The following ALX3 variants were observed in gnomAD, a reference collection of about 807,000 sequenced individuals.
ALX3 encodes the protein homeobox protein aristaless-like 3.
A neutral mutation model predicts 26.3 loss-of-function variants in ALX3; 17 were observed. That is an observed-to-expected ratio of 0.65 (90% CI 0.44 to 0.97). The LOEUF is 0.97. Ranked by LOEUF, ALX3 falls within the 50% of genes least tolerant of loss-of-function variation. ALX3 has a pLI of 0.00. For missense variants in ALX3, 461 were observed against 466.5 expected, an observed-to-expected ratio of 0.99 and a Z score of 0.11; for synonymous variants, 208 against 201.4, an observed-to-expected ratio of 1.03 and a Z score of -0.28.
intron 2 of ALX3, 35 bp downstream of exon 2, chr1:110,064,552 G>T (rs1270646277): frequency 6.2e-7 from 1 of 1,611,574 alleles, no homozygotes; most frequent in South Asian, 1.1e-5. Flanking sequence ...TGTGATAGGG[G>T]CAGCCAGAGA....
chr1:110,070,373 G>T lies in ALX3; in HGVS notation c.240C>A (p.Ala80=). Residue 80 remains alanine (A), a synonymous_variant, in exon 1 of 4, where the codon GCC becomes GCA. Transcript: ENST00000647563. The part of the protein sequence containing the change: ...KYLQDLGPGP[A]LNGGHFYEGP... The stretch of plus-strand genomic sequence containing the variant: ...CCTCGTAGAAGTGGCCGCCGTTGAG[G>T]GCCGGGCCGGGCCCGAGGTCCTGCA... The T allele has an allele frequency of 7.8e-7, 1 of 1,287,982 alleles. No homozygotes were observed. 79.8% of individuals were successfully genotyped at this position (1,287,982 alleles called of 1,614,324 possible).
Position 110,064,766 on chromosome 1 carries a change from C to T in ALX3, c.415G>A (p.Gly139Arg), listed in dbSNP as rs1156677151. The change falls in exon 2 of 4, where the codon GGA (glycine) becomes AGA (arginine). Residue 139 changes from glycine to arginine, a missense_variant. Gly to Arg is a moderately radical substitution (Grantham distance 125). Transcript: ENST00000647563. ...GCCAACTCCATGGAGTCAGGGAGTC[C>T]CGGGGAAAGAGGAAGATGCAGGCTG... Reference protein sequence around the residue: ...LASLHLPLSPGLPDSMELAKN... With the variant: ...LASLHLPLSPRLPDSMELAKN... The T allele has an allele frequency of 1.2e-6, 2 of 1,614,072 alleles. No homozygotes were observed. The highest frequency in any genetic ancestry group is 1.7e-6 in the Non-Finnish European group (2 of 1,180,042).
At chr1:110,065,807 C>T (rs1227422932) in intron 1 of ALX3, among the ~76,000 whole-genome samples, 2 of 152,240 alleles carry the variant, frequency 1.3e-5, no homozygotes, top group African/African-American at 4.8e-5. Flanking sequence ...ACATGCTAAC[C>T]CCTACTCCAG....
chr1:110,067,549 A>G (rs1194747304), intron 1 of ALX3, among the ~76,000 whole-genome samples: 1 of 152,168 alleles, frequency 6.6e-6, no homozygotes, highest in Non-Finnish European at 1.5e-5. Context: ...CAGAGCCCCT[A>G]CCAGCGGCTG....
At position 110,065,023 on chromosome 1, in the gene ALX3, C is replaced by T. The variant is rs894297154; in HGVS notation, c.278-120G>A. The T allele has an allele frequency of 2.7e-6, 3 of 1,093,480 alleles. No individual in the cohort carries two copies. In the African/African-American group the frequency reaches 4.8e-5, roughly 17 times the overall value. The allele number at this position is 1,093,480 out of a possible 1,614,324, so 67.7% of individuals were successfully genotyped here. A position where few individuals can be genotyped will look rare whatever the true frequency, so the allele number is the denominator to read the frequency against. ...CTCCGCCTCCCCCTTCCTTTCCCTT[C>T]CCTTCCTCCTGGCAGCCACCCTCCA... On this transcript the variant is annotated intron_variant, in intron 1 of 3. Transcript: ENST00000647563.
chr1:110,060,655 T>G lies in ALX3; in HGVS notation c.*78A>C. 1 of 1,477,596 alleles carries G rather than the reference T, an allele frequency of 6.8e-7. No individual in the cohort carries two copies. The highest frequency in any genetic ancestry group is 1.8e-4 in the Middle Eastern group (1 of 5,546). 91.5% of individuals were successfully genotyped at this position (1,477,596 alleles called of 1,614,324 possible). On this transcript the variant is annotated 3_prime_UTR_variant, in exon 4 of 4. Coordinates refer to ENST00000647563, the MANE Select transcript of ALX3 (RefSeq NM_006492.3). Reference sequence around the variant, plus strand: ...GCAGCCTCCAGAACCATCTGGGGCTTGGAGGCAGAGGTGGGCTGGGAGCGA... The same window carrying G: ...GCAGCCTCCAGAACCATCTGGGGCTGGGAGGCAGAGGTGGGCTGGGAGCGA...
At chr1:110,066,781 C>T (rs1653803119) in intron 1 of ALX3, among the ~76,000 whole-genome samples, 1 of 152,144 alleles carries the variant, frequency 6.6e-6, no homozygotes, top group Non-Finnish European at 1.5e-5. Flanking sequence ...CCCTCCAAAG[C>T]CCTGGGGCTT....
chr1:110,062,683 GCCCCCA>G, intron 2 of ALX3: 2 of 148,240 alleles, frequency 1.3e-5, no homozygotes, highest in African/African-American at 5.1e-5. Flanking sequence ...CAGGCTTCCT[GCCCCCA>G]TGGTCATTCC....
chr1:110,070,240 CGAGCGGGA>C, intron 1 of ALX3, 88 bp downstream of exon 1: 1 of 1,227,592 alleles, frequency 8.1e-7, no homozygotes, highest in Non-Finnish European at 1.0e-6. Flanking sequence ...GAGAAATAGG[CGAGCGGGA>C]GAGATAAGCA....
chr1:110,068,897 C>T (rs1158946331), intron 1 of ALX3, among the ~76,000 whole-genome samples: 2 of 152,242 alleles, frequency 1.3e-5, no homozygotes, highest in African/African-American at 4.8e-5. Context: ...TTCTCCCGGC[C>T]GCTCGTTCCG....
At chr1:110,063,609 T>A (rs1008351659) in intron 2 of ALX3, among the ~76,000 whole-genome samples, 2 of 151,976 alleles carry the variant, frequency 1.3e-5, no homozygotes, top group African/African-American at 4.8e-5. Context: ...TGAGCTTTGT[T>A]CCTGCTAAGT....
intron 1 of ALX3, among the ~76,000 whole-genome samples, chr1:110,065,190 TTC>T (rs766514979): frequency 8.5e-5 from 13 of 152,262 alleles, no homozygotes; most frequent in Middle Eastern, 6.8e-3. Flanking sequence ...TGGTGGTGCG[TTC>T]CACAGGGACG....
intron 1 of ALX3, among the ~76,000 whole-genome samples, chr1:110,068,954 C>T (rs1653853535): frequency 6.6e-6 from 1 of 152,216 alleles, no homozygotes; most frequent in Non-Finnish European, 1.5e-5. Flanking sequence ...GGTCCGGGGG[C>T]CCGAGCTGTC....
rs900014188 is a variant in ALX3, at chr1:110,065,019, C to T, written c.278-116G>A. 1.5e-5 allele frequency: 17 copies of T among 1,100,402 alleles called. No individual in the cohort carries two copies. The African/African-American group carries it at 2.4e-4, about 15-fold the overall frequency. The allele number at this position is 1,100,402 out of a possible 1,614,324, so 68.2% of individuals were successfully genotyped here. A position where few individuals can be genotyped will look rare whatever the true frequency, so the allele number is the denominator to read the frequency against. ...CAGTCTCCGCCTCCCCCTTCCTTTC[C>T]CTTCCCTTCCTCCTGGCAGCCACCC... On this transcript the variant is annotated intron_variant, in intron 1 of 3. Transcript: ENST00000647563.
At chr1:110,062,647 A>AGTCACAACAGAAGAAAGCTGTGT (rs1557802233) in intron 2 of ALX3, 1 of 48,108 alleles carries the variant, frequency 2.1e-5, no homozygotes, top group African/African-American at 1.1e-4. Context: ...GTGTGTGTGG[A>AGTCACAACAGAAGAAAGCTGTGT]GTAATCCGTC....
At chr1:110,062,677 C>G (rs1653683931) in intron 2 of ALX3, 1 of 146,546 alleles carries the variant, frequency 6.8e-6, no homozygotes, top group African/African-American at 2.6e-5. Flanking sequence ...TGGGATCAGG[C>G]TTCCTGCCCC....
At position 110,060,357 on chromosome 1, in the gene ALX3, G is replaced by T. The variant is rs183606337; in HGVS notation, c.*376C>A. The T allele has an allele frequency of 2.8e-4, 45 of 161,186 alleles. 1 individual carries two copies. Among genetic ancestry groups the T allele is most frequent in the Admixed American group, 2.6e-3 (42 of 15,862 alleles). 10.0% of individuals were successfully genotyped at this position (161,186 alleles called of 1,614,324 possible). A position where few individuals can be genotyped will look rare whatever the true frequency, so the allele number is the denominator to read the frequency against. ...CATCATGAAGAGCTTCAGTCCACGC[G>T]GCGTTCTCCTCCCATTTTCCTGGGT... On this transcript the variant is annotated 3_prime_UTR_variant, in exon 4 of 4. Coordinates refer to ENST00000647563, the MANE Select transcript of ALX3 (RefSeq NM_006492.3).
chr1:110,068,897 C>A (rs1158946331), intron 1 of ALX3, among the ~76,000 whole-genome samples: 2 of 152,242 alleles, frequency 1.3e-5, no homozygotes, highest in African/African-American at 4.8e-5. Context: ...TTCTCCCGGC[C>A]GCTCGTTCCG....
intron 1 of ALX3, among the ~76,000 whole-genome samples, chr1:110,067,892 G>C (rs904192713): frequency 5.3e-5 from 8 of 151,456 alleles, no homozygotes; most frequent in African/African-American, 2.0e-4. Context: ...CTAAGAACTT[G>C]GGACTCTCCT....
Sources: allele counts gnomAD v4.1 joint callset (sites outside exome capture counted in the v4.1 genomes callset), GRCh38; gene constraint gnomAD v4.1.1; transcripts MANE v1.5; gene names NCBI Gene and HGNC (gene_info 2026-07-23, HGNC 2026-07-21).